The following RBFOX2 variants were observed in gnomAD, a reference collection of about 807,000 sequenced individuals.
RBFOX2 encodes RNA binding protein fox-1 homolog 2.
RBFOX2 carries 10 observed loss-of-function variants against 49.1 expected under a neutral mutation model. The ratio of observed to expected loss-of-function variants is 0.20; its 90% confidence interval spans 0.13 to 0.35. The LOEUF is 0.35. Ranked by LOEUF, RBFOX2 falls within the 10% of genes least tolerant of loss-of-function variation. The pLI, the probability that RBFOX2 is intolerant of heterozygous loss-of-function variation, is 1.00. For missense variants in RBFOX2, 323 were observed against 486.9 expected, an observed-to-expected ratio of 0.66 and a Z score of 3.17; for synonymous variants, 183 against 187.4, an observed-to-expected ratio of 0.98 and a Z score of 0.19.
intron 1 of RBFOX2, among the ~76,000 whole-genome samples, chr22:36,022,549 G>A (rs9622318): frequency 0.056 from 8,581 of 152,128 alleles, 312 homozygotes; most frequent in African/African-American, 0.096. Context: ...GTAAGACATG[G>A]GGAAAAAAGC....
chr22:35,907,290 A>C (rs1190893903), intron 1 of RBFOX2, among the ~76,000 whole-genome samples: 3 of 152,218 alleles, frequency 2.0e-5, no homozygotes, highest in Non-Finnish European at 4.4e-5. Context: ...ATTCCGACTA[A>C]TGAGATATAA....
chr22:35,858,477 A>T (rs538554441), intron 1 of RBFOX2, among the ~76,000 whole-genome samples: 1 of 152,324 alleles, frequency 6.6e-6, no homozygotes. Flanking sequence ...TTTATTGATT[A>T]GATGAATTCT....
exon 1 of RBFOX2, chr22:35,840,290 A>G: frequency 6.3e-7 from 1 of 1,591,946 alleles, no homozygotes; most frequent in South Asian, 1.1e-5. Context: ...TTTCTTTTCC[A>G]CCCCCCTCCC....
At chr22:35,888,981 T>C (rs1244700329) in intron 1 of RBFOX2, among the ~76,000 whole-genome samples, 1 of 151,842 alleles carries the variant, frequency 6.6e-6, no homozygotes, top group African/African-American at 2.4e-5. Context: ...ATGGTGAAAC[T>C]CCATATCTAT....
intron 1 of RBFOX2, among the ~76,000 whole-genome samples, chr22:35,902,537 C>A (rs2048708169): frequency 1.3e-5 from 2 of 152,166 alleles, no homozygotes; most frequent in Non-Finnish European, 2.9e-5. Context: ...TCCACCAAAG[C>A]TGCCCTTGAA....
chr22:35,751,968 A>G lies in RBFOX2; in HGVS notation c.888-5407T>C, dbSNP rs1935097207. Among the ~76,000 whole-genome samples the G allele has an allele frequency of 3.3e-5, 5 of 152,136 alleles. No homozygotes were observed. The South Asian group carries it at 1.0e-3, about 31-fold the overall frequency. ...ACTGGATTGTGAAAAGCCATCGACT[A>G]TTTTCTTTCTCCTAGCATCCAGCTA... On this transcript the variant is annotated intron_variant, in intron 9 of 11. Transcript: ENST00000405409.
At chr22:36,002,789 A>G (rs1387039963) in intron 1 of RBFOX2, among the ~76,000 whole-genome samples, 1 of 152,180 alleles carries the variant, frequency 6.6e-6, no homozygotes, top group Non-Finnish European at 1.5e-5. Context: ...ACACCCAGCT[A>G]ATTTTTTTGT....
rs546443976 is a variant in RBFOX2, at chr22:35,839,092, A to G, written c.27+1100T>C. 1.6e-4 allele frequency among the ~76,000 whole-genome samples: 24 copies of G among 152,336 alleles called. 1 individual carries two copies. In the South Asian group the frequency reaches 5.0e-3, roughly 32 times the overall value. On this transcript the variant is annotated intron_variant, in intron 1 of 11. Coordinates refer to ENST00000405409, the Ensembl canonical transcript of RBFOX2. The stretch of plus-strand genomic sequence containing the variant: ...AAAAGGAAAGCACTGTCCAGTGATG[A>G]AATTTCCACAGAGCATAGAAACCTG...
At chr22:35,809,045 G>A (rs1951296429) in intron 2 of RBFOX2, among the ~76,000 whole-genome samples, 1 of 149,804 alleles carries the variant, frequency 6.7e-6, no homozygotes, top group Non-Finnish European at 1.5e-5. Context: ...TAGGAAATCG[G>A]CATTTGCATT....
intron 1 of RBFOX2, among the ~76,000 whole-genome samples, chr22:35,944,264 T>G (rs1351474941): frequency 1.3e-5 from 2 of 152,162 alleles, no homozygotes; most frequent in Non-Finnish European, 2.9e-5. Context: ...AGTGATAACT[T>G]CAAACCTATT....
chr22:36,001,175 C>T (rs2058399419), intron 1 of RBFOX2, among the ~76,000 whole-genome samples: 1 of 128,930 alleles, frequency 7.8e-6, no homozygotes, highest in African/African-American at 3.1e-5. Context: ...TTTCTCTGGC[C>T]CCAAAACATA....
intron 1 of RBFOX2, chr22:35,898,419 CTT>C (rs749708583): frequency 0.03 from 8,086 of 273,746 alleles, no homozygotes; most frequent in South Asian, 0.048. Context: ...TCCCACAATC[CTT>C]TTTTTTTTTT....
intron 1 of RBFOX2, among the ~76,000 whole-genome samples, chr22:36,002,901 T>A (rs531964235): frequency 7.2e-5 from 11 of 152,250 alleles, no homozygotes; most frequent in African/African-American, 2.7e-4. Flanking sequence ...GCTGGGATTA[T>A]AGGCATGAGC....
upstream of RBFOX2, among the ~76,000 whole-genome samples, chr22:35,841,577 C>A (rs1038574249): frequency 1.3e-5 from 2 of 151,908 alleles, no homozygotes; most frequent in Admixed American, 1.3e-4. Context: ...TTAAGATTTT[C>A]TAATTTTTTA....
upstream of RBFOX2, chr22:35,939,340 T>C (rs984536817): frequency 7.3e-6 from 3 of 413,788 alleles, no homozygotes; most frequent in Non-Finnish European, 1.5e-5. Flanking sequence ...AGGGGACAAG[T>C]ACCAACCCTG....
In RBFOX2 at chr22:35,847,250, T is replaced by G. The variant is rs145039951; in HGVS notation, c.-33-37246A>C. 1.7e-3 allele frequency among the ~76,000 whole-genome samples: 256 copies of G among 152,338 alleles called. 1 individual carries two copies. The highest frequency in any genetic ancestry group is 2.8e-3 in the Non-Finnish European group (188 of 68,018). ...CAATGGCACACTCTTAAAATAGGCATGATTTAGCAATGAAAGGTCAAGTAC... is the reference window on the plus strand; with the variant it reads ...CAATGGCACACTCTTAAAATAGGCAGGATTTAGCAATGAAAGGTCAAGTAC... On this transcript the variant is annotated intron_variant, in intron 1 of 13. Coordinates refer to the RBFOX2 transcript ENST00000359369.
rs1317426107 is a variant in RBFOX2 at position 35,743,990 on chromosome 22, C to A, written c.*205G>T. ...AGAAAAAAATGCACAATCTTTGGAA[C>A]AAAAGAATTAAAGGCAGAAATTTAA... is the stretch of plus-strand genomic sequence containing the variant. On this transcript the variant is annotated 3_prime_UTR_variant, in exon 12 of 12. Coordinates refer to ENST00000405409, the Ensembl canonical transcript of RBFOX2. The A allele has an allele frequency of 1.5e-5, 6 of 400,440 alleles. No homozygotes were observed. In the South Asian group the frequency reaches 4.1e-4, roughly 27 times the overall value. The allele number at this position is 400,440 out of a possible 1,614,324, so 24.8% of individuals were successfully genotyped here.
chr22:35,773,990 G>C (rs928925564), intron 4 of RBFOX2, among the ~76,000 whole-genome samples: 1 of 152,078 alleles, frequency 6.6e-6, no homozygotes, highest in Admixed American at 6.5e-5. Flanking sequence ...GGTTCTATAT[G>C]AGAAAATAAG....
chr22:35,740,545 T>C (rs1929410921), exon 12 of RBFOX2: 1 of 152,642 alleles, frequency 6.6e-6, no homozygotes, highest in African/African-American at 2.4e-5. Flanking sequence ...CAAAGTCCCT[T>C]TCCTCCTAGT....
Sources: gnomAD v4.1 joint callset for allele counts (sites outside exome capture counted in the v4.1 genomes callset) on GRCh38, gnomAD v4.1.1 for gene constraint, MANE v1.5 for transcripts, NCBI Gene and HGNC (gene_info 2026-07-23, HGNC 2026-07-21) for gene names.